Variants in CEP128 observed in about 807,000 individuals in gnomAD.
CEP128 encodes the protein centrosomal protein 128kDa.
Under a neutral mutation model 156.7 loss-of-function variants are expected in CEP128, and 132 were observed. That is an observed-to-expected ratio of 0.84 (90% CI 0.73 to 0.97). The LOEUF (loss-of-function observed/expected upper bound fraction) is 0.97. Among genes scored for constraint, CEP128 ranks in the 50% least tolerant of loss-of-function variants. CEP128 has a pLI of 0.00. For missense variants in CEP128, 1,252 were observed against 1,281.9 expected, an observed-to-expected ratio of 0.98 and a Z score of 0.36; for synonymous variants, 469 against 448.9, an observed-to-expected ratio of 1.04 and a Z score of -0.57.
chr14:80,634,139 C>A (rs922959385), intron 19 of CEP128, among the ~76,000 whole-genome samples: 9 of 152,172 alleles, frequency 5.9e-5, no homozygotes, highest in African/African-American at 2.2e-4. Context: ...ATGAGAATTA[C>A]TATAAGATTT....
chr14:80,710,738 G>A (rs992410547), intron 19 of CEP128, among the ~76,000 whole-genome samples: 59 of 152,040 alleles, frequency 3.9e-4, no homozygotes, highest in African/African-American at 1.4e-3. Flanking sequence ...GCATTCTATT[G>A]ACTTTAATTG....
chr14:80,587,057 T>TA (rs57771587), intron 19 of CEP128, among the ~76,000 whole-genome samples: 122 of 152,122 alleles, frequency 8.0e-4, no homozygotes, highest in African/African-American at 2.8e-3. Flanking sequence ...ATTTTTTTTT[T>TA]AAATCACCCT....
chr14:80,929,189 A>C (rs1481579523), intron 2 of CEP128, among the ~76,000 whole-genome samples: 2 of 152,230 alleles, frequency 1.3e-5, no homozygotes, highest in East Asian at 3.9e-4. Context: ...ATCCCAGCAG[A>C]ATGGCCATTA....
chr14:80,541,097 A>C (rs1274533118), intron 21 of CEP128, among the ~76,000 whole-genome samples: 1 of 152,206 alleles, frequency 6.6e-6, no homozygotes, highest in African/African-American at 2.4e-5. Context: ...GTTATAGCTC[A>C]GCTTTGACAT....
intron 19 of CEP128, among the ~76,000 whole-genome samples, chr14:80,668,986 T>G (rs970171992): frequency 1.3e-5 from 2 of 152,202 alleles, no homozygotes; most frequent in Admixed American, 1.3e-4. Context: ...TCCCCAGCCA[T>G]GCAGAGCTGT....
At chr14:80,619,895 C>T (rs1441399859) in intron 19 of CEP128, among the ~76,000 whole-genome samples, 4 of 150,142 alleles carry the variant, frequency 2.7e-5, no homozygotes, top group Admixed American at 1.3e-4. Flanking sequence ...GAGGTCGAGG[C>T]GTGTGGATCA....
At chr14:80,571,242 G>C (rs1891128487) in intron 20 of CEP128, among the ~76,000 whole-genome samples, 1 of 152,162 alleles carries the variant, frequency 6.6e-6, no homozygotes, top group African/African-American at 2.4e-5. Context: ...TCTGGCCTCT[G>C]TGCTTCAATC....
intron 16 of CEP128, among the ~76,000 whole-genome samples, chr14:80,764,372 G>A (rs972285429): frequency 1.3e-5 from 2 of 152,030 alleles, no homozygotes; most frequent in Admixed American, 1.3e-4. Context: ...GGTGGCAGGC[G>A]CCTGTAGTCC....
At chr14:80,739,588 C>T (rs1792775758) in intron 19 of CEP128, among the ~76,000 whole-genome samples, 1 of 152,088 alleles carries the variant, frequency 6.6e-6, no homozygotes, top group Non-Finnish European at 1.5e-5. Flanking sequence ...AAGTTATAGT[C>T]ATTCTACTCT....
At chr14:80,909,059 A>AT (rs1884052040) in intron 4 of CEP128, among the ~76,000 whole-genome samples, 2 of 151,904 alleles carry the variant, frequency 1.3e-5, no homozygotes, top group South Asian at 4.1e-4. Flanking sequence ...CTTTTAATCC[A>AT]CCTCTTTAGG....
chr14:80,919,222 C>A (rs960694333), intron 2 of CEP128, among the ~76,000 whole-genome samples: 28 of 152,130 alleles, frequency 1.8e-4, no homozygotes, highest in African/African-American at 6.5e-4. Context: ...TATCTGAAGA[C>A]AACTTCACCA....
chr14:80,697,639 T>C (rs1896933710), intron 19 of CEP128, among the ~76,000 whole-genome samples: 1 of 152,026 alleles, frequency 6.6e-6, no homozygotes, highest in African/African-American at 2.4e-5. Context: ...GAAAACAGGC[T>C]AACAATTTTA....
intron 21 of CEP128, among the ~76,000 whole-genome samples, chr14:80,536,859 C>A (rs1039384151): frequency 3.9e-5 from 6 of 152,044 alleles, no homozygotes; most frequent in Non-Finnish European, 8.8e-5. Context: ...ATTTTATGAG[C>A]GGTCTAAAAA....
At chr14:80,952,065 A>G (rs1451278508) in intron 2 of CEP128, among the ~76,000 whole-genome samples, 1 of 152,136 alleles carries the variant, frequency 6.6e-6, no homozygotes, top group African/African-American at 2.4e-5. Context: ...TTGTAGTAAA[A>G]AATTTCAGTA....
chr14:80,674,753 C>A (rs897662375), intron 19 of CEP128, among the ~76,000 whole-genome samples: 1 of 151,918 alleles, frequency 6.6e-6, no homozygotes, highest in Non-Finnish European at 1.5e-5. Context: ...CCATATATAC[C>A]GCCATGGAAC....
intron 13 of CEP128, among the ~76,000 whole-genome samples, chr14:80,813,135 T>C (rs1884657209): frequency 6.6e-6 from 1 of 152,232 alleles, no homozygotes; most frequent in South Asian, 2.1e-4. Context: ...GTCAGATGCA[T>C]AATTTGTAAA....
intron 19 of CEP128, among the ~76,000 whole-genome samples, chr14:80,674,484 G>C (rs778663156): frequency 2.0e-5 from 3 of 152,020 alleles, no homozygotes; most frequent in African/African-American, 7.2e-5. Context: ...CATATTCAAG[G>C]TCAAATGCAA....
chr14:80,502,515 T>A (rs1260321909), intron 24 of CEP128, among the ~76,000 whole-genome samples: 2 of 152,204 alleles, frequency 1.3e-5, no homozygotes, highest in Non-Finnish European at 2.9e-5. Context: ...TGTCTCATTC[T>A]TTTTCTTTTT....
In CEP128 at chr14:80,498,778, T is replaced by C. The variant is rs549227736; in HGVS notation, c.3182-1196A>G. Among the ~76,000 whole-genome samples, 50 of 152,320 alleles carry C rather than the reference T, an allele frequency of 3.3e-4. 2 individuals are homozygous for C. In the South Asian group the frequency reaches 9.7e-3, roughly 30 times the overall value. On this transcript the variant is annotated intron_variant, in intron 24 of 24. Transcript: ENST00000555265. The stretch of plus-strand genomic sequence containing the variant: ...TACTTGTTTCTCCATGACATCACCT[T>C]GCCTGTCCTGTTCACTGCTGTATAC...
Sources: allele counts gnomAD v4.1 joint callset (sites outside exome capture counted in the v4.1 genomes callset), GRCh38; gene constraint gnomAD v4.1.1; transcripts MANE v1.5; gene names NCBI Gene and HGNC (gene_info 2026-07-23, HGNC 2026-07-21).